The following SLC22A23 variants were observed in gnomAD, a reference collection of about 807,000 sequenced individuals.
SLC22A23 encodes the protein solute carrier family 22 member 23.
Under a neutral mutation model 61.0 loss-of-function variants are expected in SLC22A23, and 26 were observed. That is an observed-to-expected ratio of 0.43 (90% confidence interval 0.31 to 0.59). The LOEUF is 0.59. Ranked by LOEUF, SLC22A23 falls within the 20% of genes least tolerant of loss-of-function variation. The pLI, the probability that SLC22A23 is intolerant of heterozygous loss-of-function variation, is 0.11. For synonymous variants in SLC22A23, 430 were observed against 413.9 expected, an observed-to-expected ratio of 1.04 and a Z score of -0.47; for missense variants, 796 against 934.7, an observed-to-expected ratio of 0.85 and a Z score of 1.94.
At chr6:3,310,038 G>A (rs2127378493) in intron 4 of SLC22A23, among the ~76,000 whole-genome samples, 1 of 152,322 alleles carries the variant, frequency 6.6e-6, no homozygotes, top group Non-Finnish European at 1.5e-5. Context: ...AATTAGCTAG[G>A]CAGAAGAGCT....
intron 3 of SLC22A23, among the ~76,000 whole-genome samples, chr6:3,399,435 T>C (rs115664227): frequency 2.3e-3 from 357 of 152,310 alleles, no homozygotes; most frequent in Middle Eastern, 6.8e-3. Flanking sequence ...GCCATTCATG[T>C]CCATCCTGAA....
intron 3 of SLC22A23, among the ~76,000 whole-genome samples, chr6:3,388,678 A>G (rs921922821): frequency 2.0e-5 from 3 of 152,246 alleles, no homozygotes; most frequent in Admixed American, 2.0e-4. Context: ...ATGAATGGAT[A>G]AGCAAAATGC....
Position 3,333,201 on chromosome 6 carries a change from A to C in SLC22A23, c.914-9199T>G, listed in dbSNP as rs1005624097. On this transcript the variant is annotated intron_variant, in intron 3 of 9. Coordinates refer to ENST00000406686, the MANE Select transcript of SLC22A23 (RefSeq NM_015482.2). The surrounding 1 kb of genome is among the most constrained non-coding windows in gnomAD (Gnocchi z 4.1). ...ATCTGATTTTCTAATTCCATCCTTC[A>C]CTGTATACTGTTTTCACCTTGAATT... 2.6e-5 allele frequency among the ~76,000 whole-genome samples: 4 copies of C among 152,030 alleles called. No individual in the cohort carries two copies. The highest frequency in any genetic ancestry group is 4.4e-5 in the Non-Finnish European group (3 of 67,984).
At position 3,323,951 on chromosome 6, in the gene SLC22A23, C is replaced by G. The variant is rs761416302; in HGVS notation, c.965G>C (p.Ser322Thr). 1 of 1,614,254 alleles carries G rather than the reference C, an allele frequency of 6.2e-7. No homozygotes were observed. Among genetic ancestry groups the G allele is most frequent in the South Asian group, 1.1e-5 (1 of 91,092 alleles). ...GAACTGGCCCGCCATGGCCACGAAG[C>G]TCGCCACCATCGTAATCATGAACCG... ...GKRFMITMVASFVAMAGQFLM... is the reference protein window; with the variant it reads ...GKRFMITMVATFVAMAGQFLM... The change falls in exon 4 of 10, where the codon AGC becomes ACC. Residue 322 changes from serine to threonine, a missense_variant. By Grantham distance (58) the Ser-to-Thr change is moderately conservative (BLOSUM62 1). Coordinates refer to ENST00000406686, the MANE Select transcript of SLC22A23 (RefSeq NM_015482.2).
chr6:3,350,111 A>G (rs1475768877), intron 3 of SLC22A23, among the ~76,000 whole-genome samples: 1 of 152,180 alleles, frequency 6.6e-6, no homozygotes, highest in Non-Finnish European at 1.5e-5. Flanking sequence ...ATGCACACAC[A>G]CACCCCAAAT....
chr6:3,419,518 AAG>A (rs1337130802), intron 1 of SLC22A23, among the ~76,000 whole-genome samples: 1 of 152,168 alleles, frequency 6.6e-6, no homozygotes, highest in Non-Finnish European at 1.5e-5. Flanking sequence ...CTGAGTTAGG[AAG>A]AGAGTTCAGA....
intron 1 of SLC22A23, among the ~76,000 whole-genome samples, chr6:3,448,949 G>A (rs1772045301): frequency 6.6e-6 from 1 of 152,212 alleles, no homozygotes; most frequent in Non-Finnish European, 1.5e-5. Context: ...ACAGGAAGAT[G>A]AAGAAGGAAA....
chr6:3,289,640 T>TCA (rs1298192193), intron 6 of SLC22A23, 124 bp downstream of exon 6: 33 of 762,570 alleles, frequency 4.3e-5, no homozygotes, highest in Admixed American at 1.1e-4. Flanking sequence ...GTGTCACTCT[T>TCA]CACACACACA....
intron 1 of SLC22A23, 40 bp downstream of exon 1, chr6:3,455,866 A>G: frequency 6.8e-7 from 1 of 1,461,452 alleles, no homozygotes. Flanking sequence ...CTCGGTCTGC[A>G]GGGAGAGGGT....
Position 3,405,104 on chromosome 6 carries a change from C to CA in SLC22A23, c.913+5083dup, listed in dbSNP as rs560467305. Among the ~76,000 whole-genome samples the CA allele has an allele frequency of 2.0e-3, 308 of 151,822 alleles. 2 individuals carry two copies. Among genetic ancestry groups the CA allele is most frequent in the African/African-American group, 7.3e-3 (304 of 41,430 alleles). ...TGAAACCCTGTCTCTACTAAAAATA[C>CA]AAAAAAATTAGTTGGATGTGGTGGT... On this transcript the variant is annotated intron_variant, in intron 3 of 9. Coordinates refer to ENST00000406686, the MANE Select transcript of SLC22A23 (RefSeq NM_015482.2).
In SLC22A23 at chr6:3,387,878, G is replaced by A. The variant is rs768608440; in HGVS notation, c.913+22310C>T. Among the ~76,000 whole-genome samples, 8 of 152,188 alleles carry A rather than the reference G, an allele frequency of 5.3e-5. No individual in the cohort carries two copies. The highest frequency in any genetic ancestry group is 9.6e-5 in the African/African-American group (4 of 41,462). On this transcript the variant is annotated intron_variant, in intron 3 of 9. Coordinates refer to ENST00000406686, the MANE Select transcript of SLC22A23 (RefSeq NM_015482.2). The surrounding 1 kb of genome is among the most constrained non-coding windows in gnomAD (Gnocchi z 5.0). Reference sequence around the variant, plus strand: ...AGGAAAGGAGAAGGCAGGCCGCAGCGAGGATGTCCTGGCAGCCCACGACAG... The same window carrying A: ...AGGAAAGGAGAAGGCAGGCCGCAGCAAGGATGTCCTGGCAGCCCACGACAG...
chr6:3,358,467 G>GT (rs1342981887), intron 3 of SLC22A23, among the ~76,000 whole-genome samples: 18 of 152,294 alleles, frequency 1.2e-4, no homozygotes, highest in Middle Eastern at 6.8e-3. Context: ...AAATAAGCCA[G>GT]TCACAGAAGG....
intron 3 of SLC22A23, among the ~76,000 whole-genome samples, chr6:3,402,636 T>C (rs1182947055): frequency 2.7e-5 from 3 of 110,760 alleles, no homozygotes; most frequent in African/African-American, 7.4e-5. Flanking sequence ...TAGGCTCTTC[T>C]AGGATCTAAG....
chr6:3,376,652 A>C (rs1204518172), intron 3 of SLC22A23, among the ~76,000 whole-genome samples: 1 of 152,184 alleles, frequency 6.6e-6, no homozygotes, highest in East Asian at 1.9e-4. Flanking sequence ...TTATTTTACA[A>C]GCATTTCATT....
Position 3,456,037 on chromosome 6 carries a change from T to C in SLC22A23, c.523A>G (p.Ser175Gly), listed in dbSNP as rs1772387093. Reference sequence around the variant, plus strand: ...GGTGTGTCGCCTCCGTCCGCGCCGCTGCTGTTGCTCCGGTTGCCCGCAGCC... The same window carrying C: ...GGTGTGTCGCCTCCGTCCGCGCCGCCGCTGTTGCTCCGGTTGCCCGCAGCC... ...WEAAGNRSNS[S>G]GADGGDTPPL... is the part of the protein sequence containing the mutation. The change falls in exon 1 of 10, where the codon AGC (serine) becomes GGC (glycine). Residue 175 changes from serine to glycine, a missense_variant. Coordinates refer to ENST00000406686, the MANE Select transcript of SLC22A23 (RefSeq NM_015482.2). This position sits in a 1 kb window ranked among gnomAD's most constrained non-coding sequence, Gnocchi z 7.1. The C allele has an allele frequency of 6.5e-7, 1 of 1,547,858 alleles. No individual in the cohort carries two copies. Among genetic ancestry groups the C allele is most frequent in the South Asian group, 1.2e-5 (1 of 84,034 alleles).
At position 3,446,515 on chromosome 6, in the gene SLC22A23, G is replaced by C. The variant is rs190442310; in HGVS notation, c.654+9391C>G. On this transcript the variant is annotated intron_variant, in intron 1 of 9. Transcript: ENST00000406686. ...CTTAATTAGCATCCTCCCTTGTTGAGTAGGAGGGCCAGAGAAAATGGCAGA... is the reference window on the plus strand; with the variant it reads ...CTTAATTAGCATCCTCCCTTGTTGACTAGGAGGGCCAGAGAAAATGGCAGA... Among the ~76,000 whole-genome samples, 41 of 152,316 alleles carry C rather than the reference G, an allele frequency of 2.7e-4. No individual in the cohort carries two copies. In the East Asian group the frequency reaches 7.5e-3, roughly 28 times the overall value.
At chr6:3,391,065 T>G (rs551605325) in intron 3 of SLC22A23, among the ~76,000 whole-genome samples, 4 of 152,182 alleles carry the variant, frequency 2.6e-5, no homozygotes, top group Non-Finnish European at 5.9e-5. Context: ...GTCCCTTCTC[T>G]CACGGAGCTA....
intron 4 of SLC22A23, among the ~76,000 whole-genome samples, chr6:3,300,727 T>C (rs1216388269): frequency 1.3e-5 from 2 of 152,244 alleles, no homozygotes; most frequent in Non-Finnish European, 2.9e-5. Context: ...TACTGCCTCC[T>C]TCATACCTAT....
chr6:3,290,205 C>T (rs1445770510), intron 5 of SLC22A23: 2 of 376,702 alleles, frequency 5.3e-6, no homozygotes, highest in African/African-American at 4.2e-5. Context: ...GTACAGAGCT[C>T]AGCGATGATA....
Sources: gnomAD v4.1 joint callset for allele counts (sites outside exome capture counted in the v4.1 genomes callset) on GRCh38, gnomAD v4.1.1 for gene constraint, Gnocchi (gnomAD v3.1) non-coding constraint, MANE v1.5 for transcripts, NCBI Gene and HGNC (gene_info 2026-07-23, HGNC 2026-07-21) for gene names.